Variants in SARS2 observed in about 807,000 individuals in gnomAD.
SARS2 encodes the protein seryl-tRNA synthetase 2, mitochondrial, also known as serine--tRNA ligase, mitochondrial.
Under a neutral mutation model 66.8 loss-of-function variants are expected in SARS2, and 52 were observed. That is an observed-to-expected ratio of 0.78 (90% CI 0.62 to 0.98). The LOEUF (loss-of-function observed/expected upper bound fraction) is 0.98, where lower values mean the gene tolerates loss of function less well. SARS2 is among the 50% of genes least tolerant of loss of function. The pLI, the probability that SARS2 is intolerant of heterozygous loss-of-function variation, is 0.00. For missense variants in SARS2, 673 were observed against 706.3 expected, an observed-to-expected ratio of 0.95 and a Z score of 0.53; for synonymous variants, 306 against 281.4, an observed-to-expected ratio of 1.09 and a Z score of -0.87.
chr19:38,919,310 G>A (rs1045590344), intron 7 of SARS2, among the ~76,000 whole-genome samples: 7 of 152,224 alleles, frequency 4.6e-5, no homozygotes, highest in South Asian at 2.1e-4. Flanking sequence ...GTACAGATTT[G>A]GCCACACCCT....
rs1568430828 is a variant in SARS2 at position 38,930,513 on chromosome 19, TC to T, written c.223del (p.Glu75SerfsTer22). The T allele has an allele frequency of 3.1e-6, 5 of 1,612,408 alleles. No homozygotes were observed. Among genetic ancestry groups the T allele is most frequent in the African/African-American group, 2.7e-5 (2 of 75,030 alleles). ...ACPEEAAHAL[E>X]LRKGELRSAD... ...CGAGCGCAGCTCCCCCTTGCGGAGC[TC>T]CAGGGCGTGTGCGGCCTCTTCTGGG... On this transcript the variant is annotated frameshift_variant, in exon 1 of 16. Coordinates refer to ENST00000221431, the MANE Select transcript of SARS2 (RefSeq NM_017827.4). LOFTEE classifies it high-confidence loss of function.
intron 1 of SARS2, among the ~76,000 whole-genome samples, chr19:38,926,801 T>A (rs1974636134): frequency 6.7e-6 from 1 of 149,688 alleles, no homozygotes. Context: ...ACAAAAAAAG[T>A]CTCTAAACTA....
intron 2 of SARS2, among the ~76,000 whole-genome samples, chr19:38,925,032 G>A (rs902456416): frequency 6.6e-6 from 1 of 152,168 alleles, no homozygotes; most frequent in African/African-American, 2.4e-5. Context: ...CCTCCTTCCA[G>A]GCCAGGCGCA....
chr19:38,921,295 C>A, intron 5 of SARS2, 97 bp downstream of exon 5: 1 of 1,300,664 alleles, frequency 7.7e-7, no homozygotes, highest in Non-Finnish European at 1.1e-6. Flanking sequence ...TCTCCAGGCT[C>A]CAGACATGTT....
chr19:38,928,906 T>C (rs750549134), intron 1 of SARS2, among the ~76,000 whole-genome samples: 4 of 152,188 alleles, frequency 2.6e-5, no homozygotes, highest in Non-Finnish European at 5.9e-5. Flanking sequence ...TTAGTATATA[T>C]GTATAGTTGT....
At chr19:38,928,266 T>C (rs1257385652) in intron 1 of SARS2, 1 of 152,024 alleles carries the variant, frequency 6.6e-6, no homozygotes, top group African/African-American at 2.4e-5. Flanking sequence ...TAACCCTAGC[T>C]ACTTGGGAGA....
chr19:38,926,327 A>C, intron 1 of SARS2, 27 bp from the exon 2 acceptor site: 1 of 1,596,288 alleles, frequency 6.3e-7, no homozygotes, highest in Admixed American at 1.7e-5. Context: ...AGAAAAGGAG[A>C]TGAAGCAGCC....
In SARS2 at chr19:38,916,251, G is replaced by T; in HGVS notation, c.1224C>A (p.Ala408=). The change falls in exon 13 of 16, where the codon GCC becomes GCA. Residue 408 remains alanine, a synonymous_variant. Transcript: ENST00000221431. ...LPAYRKFDIE[A]WMPGRGRFGE... is the part of the protein sequence containing the mutation. The stretch of plus-strand genomic sequence containing the variant: ...CAAAGCGGCCTCGGCCTGGCATCCA[G>T]GCCTCAATGTCAAACTTGCGGTAGG... 1 of 1,614,098 alleles carries T rather than the reference G, an allele frequency of 6.2e-7. No homozygotes were observed.
At chr19:38,921,301 A>T in intron 5 of SARS2, 91 bp downstream of exon 5, 1 of 1,343,146 alleles carries the variant, frequency 7.4e-7, no homozygotes, top group Non-Finnish European at 1.0e-6. Flanking sequence ...GGCTCCAGAC[A>T]TGTTCCCAGA....
intron 3 of SARS2, chr19:38,921,957 A>G: frequency 6.5e-7 from 1 of 1,549,836 alleles, no homozygotes; most frequent in Non-Finnish European, 8.7e-7. Flanking sequence ...CAGGACTTTA[A>G]CTGGAACTAT....
chr19:38,921,897 T>C, intron 3 of SARS2: 1 of 1,425,426 alleles, frequency 7.0e-7, no homozygotes, highest in Non-Finnish European at 9.7e-7. Context: ...CCACAATGAC[T>C]GGCTCAGAGA....
In SARS2 at chr19:38,916,238, G is replaced by C; in HGVS notation, c.1237C>G (p.Arg413Gly). The C allele has an allele frequency of 1.2e-6, 2 of 1,614,030 alleles. No individual in the cohort carries two copies. The highest frequency in any genetic ancestry group is 1.7e-6 in the Non-Finnish European group (2 of 1,179,920). ...GGGCTCACCTCTCCAAAGCGGCCTC[G>C]GCCTGGCATCCAGGCCTCAATGTCA... ...KFDIEAWMPG[R>G]GRFGEVTSAS... Residue 413 changes from arginine to glycine, a missense_variant, in exon 13 of 16, where the codon CGA becomes GGA. Arg to Gly is a moderately radical substitution (Grantham distance 125). Coordinates refer to ENST00000221431, the MANE Select transcript of SARS2 (RefSeq NM_017827.4).
At chr19:38,930,371 T>TCCTACTACAGGTTCG in intron 1 of SARS2, 99 bp downstream of exon 1, 1 of 1,441,098 alleles carries the variant, frequency 6.9e-7, no homozygotes, top group South Asian at 1.4e-5. Context: ...TAACTAAAAT[T>TCCTACTACAGGTTCG]CCTACTACAG....
At chr19:38,919,693 C>T in intron 7 of SARS2, 69 bp downstream of exon 7, 1 of 1,170,526 alleles carries the variant, frequency 8.5e-7, no homozygotes, top group Non-Finnish European at 1.3e-6. Context: ...CACTCCCATC[C>T]CCGTTGGGCC....
Position 38,930,740 on chromosome 19 carries a change from G to C in SARS2, c.-4C>G. On this transcript the variant is annotated 5_prime_UTR_variant, in exon 1 of 16. Coordinates refer to ENST00000221431, the MANE Select transcript of SARS2 (RefSeq NM_017827.4). ...GCCGCGCCATGGACGCAGCCATCTTGGACCGGGAACAAGGCGGCACTTCGT... is the reference window on the plus strand; with the variant it reads ...GCCGCGCCATGGACGCAGCCATCTTCGACCGGGAACAAGGCGGCACTTCGT... 1 of 1,612,860 alleles carries C rather than the reference G, an allele frequency of 6.2e-7. No homozygotes were observed. Among genetic ancestry groups the C allele is most frequent in the Admixed American group, 1.7e-5 (1 of 60,030 alleles).
chr19:38,930,230 G>A, intron 1 of SARS2: 1 of 572,542 alleles, frequency 1.7e-6, no homozygotes, highest in South Asian at 2.3e-5. Context: ...CCAGCGAGCA[G>A]TATGAAACAA....
intron 2 of SARS2, among the ~76,000 whole-genome samples, chr19:38,924,002 C>T (rs945021132): frequency 2.6e-5 from 4 of 151,056 alleles, no homozygotes; most frequent in African/African-American, 7.3e-5. Flanking sequence ...TGCAGTGGCA[C>T]GTGCCTGTAA....
chr19:38,930,673 C>G lies in SARS2; in HGVS notation c.64G>C (p.Gly22Arg). Residue 22 changes from glycine to arginine, a missense_variant, in exon 1 of 16, where the codon GGA (glycine) becomes CGA (arginine). Transcript: ENST00000221431. The part of the protein sequence containing the change: ...LLTRRGFRPR[G>R]GCISNDSPRR... ...GGACTATCGTTGGAGATGCAGCCTC[C>G]CCGGGGCCGGAACCCCCGACGAGTC... 6.2e-7 allele frequency: 1 copy of G among 1,614,082 alleles called. No individual in the cohort carries two copies. Among genetic ancestry groups the G allele is most frequent in the Non-Finnish European group, 8.5e-7 (1 of 1,180,028 alleles).
At chr19:38,922,090 T>A (rs748489082) in intron 3 of SARS2, 148 bp downstream of exon 3, 2 of 1,600,598 alleles carry the variant, frequency 1.2e-6, no homozygotes, top group African/African-American at 1.4e-5. Flanking sequence ...TGAAGCCAGT[T>A]TTAGTTTCAT....
Sources: gnomAD v4.1 joint callset for allele counts (sites outside exome capture counted in the v4.1 genomes callset) on GRCh38, gnomAD v4.1.1 for gene constraint, MANE v1.5 for transcripts, NCBI Gene and HGNC (gene_info 2026-07-23, HGNC 2026-07-21) for gene names.